Variants in MYO18B observed in about 807,000 individuals in gnomAD.
The protein encoded by MYO18B is unconventional myosin-XVIIIb.
A neutral mutation model predicts 273.0 loss-of-function variants in MYO18B; 204 were observed. The observed-to-expected ratio is 0.75, with a 90% CI of 0.67 to 0.84. The LOEUF is 0.84. Ranked by LOEUF, MYO18B falls within the 40% of genes least tolerant of loss-of-function variation. The probability of loss-of-function intolerance (pLI) is 0.00; values close to 1 mark genes in which losing one functional copy is unlikely to be tolerated. For synonymous variants in MYO18B, 1,330 were observed against 1,305.7 expected (o/e 1.02, Z -0.40); for missense variants, 3,212 against 3,287.6 (o/e 0.98, Z 0.56).
intron 1 of MYO18B, among the ~76,000 whole-genome samples, chr22:25,743,038 T>C (rs947167747): frequency 6.6e-6 from 1 of 152,258 alleles, no homozygotes; most frequent in Non-Finnish European, 1.5e-5. Flanking sequence ...GCCTCTGGGC[T>C]GCTGCCTTCC....
chr22:26,056,740 G>C, the MYO18B span, among the ~76,000 whole-genome samples: 5 of 152,220 alleles, frequency 3.3e-5, no homozygotes, highest in Non-Finnish European at 4.4e-5. Context: ...AGAGAAATGG[G>C]AGATGGACAG....
chr22:25,768,865 A>C lies in MYO18B; in HGVS notation c.949A>C (p.Lys317Gln). Reference protein sequence around the residue: ...KHVRPQIPGRKWGGFLGRRSK... With the variant: ...KHVRPQIPGRQWGGFLGRRSK... ...CGTAAGGCCCCAAATCCCTGGGAGA[A>C]AGTGGGGAGGTTTCCTGGGAAGAAG... Residue 317 changes from lysine (K) to glutamine (Q), a missense_variant, in exon 4 of 44, where the codon AAG becomes CAG. By Grantham distance (53) the Lys-to-Gln change is moderately conservative. Coordinates refer to ENST00000335473, the MANE Select transcript of MYO18B (RefSeq NM_032608.7). 5.0e-6 allele frequency: 8 copies of C among 1,613,116 alleles called. No homozygotes were observed. The highest frequency in any genetic ancestry group is 6.8e-6 in the Non-Finnish European group (8 of 1,179,526).
At chr22:25,800,149 A>G (rs7289547) in intron 12 of MYO18B, among the ~76,000 whole-genome samples, 99,003 of 151,900 alleles carry the variant, frequency 0.65, 33,521 homozygotes, top group East Asian at 0.85. Context: ...ATGCAAAGGC[A>G]TAAGAATGAT....
chr22:26,059,536 A>T, the MYO18B span, among the ~76,000 whole-genome samples: 1 of 152,242 alleles, frequency 6.6e-6, no homozygotes, highest in Non-Finnish European at 1.5e-5. Flanking sequence ...AGCCCCTTTC[A>T]TAGGCAAGGG....
the MYO18B span, among the ~76,000 whole-genome samples, chr22:26,050,898 G>T: frequency 3.9e-5 from 6 of 152,308 alleles, no homozygotes; most frequent in South Asian, 1.2e-3. Context: ...GTTGGATGAG[G>T]TTGGGGAGAA....
the MYO18B span, among the ~76,000 whole-genome samples, chr22:26,046,660 C>G: frequency 2.6e-5 from 4 of 152,206 alleles, no homozygotes; most frequent in Non-Finnish European, 4.4e-5. Flanking sequence ...CCCTAGCTGT[C>G]TGTTCTTAGC....
chr22:25,925,566 G>A (rs1244690226), intron 34 of MYO18B, among the ~76,000 whole-genome samples: 21 of 152,110 alleles, frequency 1.4e-4, no homozygotes, highest in Non-Finnish European at 3.1e-4. Context: ...ATCATCACAT[G>A]ATGGCCCAGG....
intron 28 of MYO18B, chr22:25,897,609 C>T (rs936913535): frequency 1.3e-5 from 2 of 152,138 alleles, no homozygotes; most frequent in African/African-American, 2.4e-5. Context: ...GAGAACATCC[C>T]ATTTGCCTTC....
rs34278088 is a variant in MYO18B, at chr22:25,901,806, GTT to G, written c.4824-784_4824-783del. On this transcript the variant is annotated intron_variant, in intron 29 of 43. Coordinates refer to ENST00000335473, the MANE Select transcript of MYO18B (RefSeq NM_032608.7). ...CCAGATAGATCAGGTTTTTGGGTTG[GTT>G]TTTTTTTTTTTTTTTTTTTTTTGAG... Among the ~76,000 whole-genome samples, 870 of 92,178 alleles carry G rather than the reference GTT, an allele frequency of 9.4e-3. 5 individuals carry two copies. Among genetic ancestry groups the G allele is most frequent in the Middle Eastern group, 0.019 (2 of 104 alleles). The allele number at this position is 92,178 out of a possible 152,430, so 60.5% of individuals were successfully genotyped here. A position where few individuals can be genotyped will look rare whatever the true frequency, so the allele number is the denominator to read the frequency against.
intron 39 of MYO18B, among the ~76,000 whole-genome samples, chr22:25,989,827 A>G (rs1003460525): frequency 5.3e-5 from 8 of 149,974 alleles, no homozygotes; most frequent in Non-Finnish European, 7.4e-5. Flanking sequence ...AGCTGCCGGG[A>G]TTTTGCACCT....
intron 21 of MYO18B, among the ~76,000 whole-genome samples, chr22:25,861,534 A>G (rs2090737300): frequency 6.6e-6 from 1 of 152,106 alleles, no homozygotes; most frequent in Non-Finnish European, 1.5e-5. Context: ...CTTCCAACCT[A>G]TCTTTGTATC....
chr22:25,990,208 G>T (rs1197091848), intron 39 of MYO18B, among the ~76,000 whole-genome samples: 2 of 152,182 alleles, frequency 1.3e-5, no homozygotes, highest in Non-Finnish European at 2.9e-5. Flanking sequence ...AAGCCAATGT[G>T]CAGAGAGCTG....
the MYO18B span, among the ~76,000 whole-genome samples, chr22:26,061,852 G>C: frequency 1.3e-5 from 2 of 151,362 alleles, no homozygotes; most frequent in Admixed American, 1.3e-4. Context: ...GCCCTTCCTA[G>C]CCCATCATTT....
Position 26,026,800 on chromosome 22 carries a change from C to T in MYO18B, c.6826C>T (p.Pro2276Ser), listed in dbSNP as rs764769098. ...QGSTLGLEDW[P>S]TLPIYQTTGA... ...GTCCACGCTGGGCCTAGAGGACTGG[C>T]CCACTCTCCCCATTTACCAGACGAC... Residue 2276 changes from proline to serine, a missense_variant, in exon 43 of 44, where the codon CCC (proline) becomes TCC (serine). Transcript: ENST00000335473. 8.1e-6 allele frequency: 13 copies of T among 1,597,222 alleles called. No homozygotes were observed. The highest frequency in any genetic ancestry group is 1.0e-5 in the Non-Finnish European group (12 of 1,172,366).
rs746659130 is a variant in MYO18B at position 25,763,384 on chromosome 22, C to G, written c.193C>G (p.Arg65Gly). 1.9e-6 allele frequency: 3 copies of G among 1,609,004 alleles called. No individual in the cohort carries two copies. Among genetic ancestry groups the G allele is most frequent in the East Asian group, 2.2e-5 (1 of 44,842 alleles). Residue 65 changes from arginine to glycine, a missense_variant, in exon 3 of 44, where the codon CGA becomes GGA. Physicochemically the swap from Arg to Gly is moderately radical, Grantham distance 125. Coordinates refer to ENST00000335473, the MANE Select transcript of MYO18B (RefSeq NM_032608.7). ...GCAGTTAGCTGTCGCCTCTCCAGAA[C>G]GAGAGGTAAGTGGTTCCTAAGAAGG... ...RKQLAVASPE[R>G]EIPEISISQP...
At chr22:25,838,873 GTA>G (rs61430921) in intron 17 of MYO18B, among the ~76,000 whole-genome samples, 115,560 of 151,206 alleles carry the variant, frequency 0.76, 44,281 homozygotes, top group East Asian at 0.88. Context: ...ACATGTTTGT[GTA>G]TATATATATA....
chr22:25,824,323 A>C (rs958258162), intron 13 of MYO18B, among the ~76,000 whole-genome samples: 82 of 152,084 alleles, frequency 5.4e-4, no homozygotes, highest in African/African-American at 1.9e-3. Flanking sequence ...AGGTGGACAG[A>C]TTCAGGGGCT....
chr22:25,949,979 T>G (rs891509479), intron 36 of MYO18B, among the ~76,000 whole-genome samples: 2 of 152,134 alleles, frequency 1.3e-5, no homozygotes. Context: ...GAGACTCAGG[T>G]GCAGAGAGGC....
the MYO18B span, among the ~76,000 whole-genome samples, chr22:26,052,737 G>A: frequency 6.6e-6 from 1 of 152,086 alleles, no homozygotes; most frequent in African/African-American, 2.4e-5. Flanking sequence ...TGTATGGAAG[G>A]ATAAGAGGTA....
Sources: gnomAD v4.1 joint callset for allele counts (sites outside exome capture counted in the v4.1 genomes callset) on GRCh38, gnomAD v4.1.1 for gene constraint, MANE v1.5 for transcripts, NCBI Gene and HGNC (gene_info 2026-07-23, HGNC 2026-07-21) for gene names.